The following DNAH3 variants were observed in gnomAD, a reference collection of about 807,000 sequenced individuals.
DNAH3 encodes the protein dynein axonemal heavy chain 3, also known as axonemal beta dynein heavy chain 3.
DNAH3 carries 332 observed loss-of-function variants against 432.5 expected under a neutral mutation model. The observed-to-expected ratio is 0.77, with a 90% CI of 0.70 to 0.84. The LOEUF is 0.84. DNAH3 is among the 40% of genes least tolerant of loss of function. The pLI is 0.00. For synonymous variants in DNAH3, 1,956 were observed against 1,900.2 expected (o/e 1.03, Z -0.76); for missense variants, 4,861 against 5,114.0 (o/e 0.95, Z 1.51).
chr16:21,151,874 C>CT (rs971278248), intron 1 of DNAH3, among the ~76,000 whole-genome samples: 23 of 151,580 alleles, frequency 1.5e-4, no homozygotes, highest in South Asian at 1.0e-3. Flanking sequence ...GCTTGCATAT[C>CT]TTTTTTTTTC....
chr16:21,022,358 C>A (rs1399422788), intron 39 of DNAH3, among the ~76,000 whole-genome samples: 1 of 152,198 alleles, frequency 6.6e-6, no homozygotes, highest in African/African-American at 2.4e-5. Flanking sequence ...CTCAGAGAGG[C>A]TTGGAAATAC....
intron 6 of DNAH3, 65 bp from the exon 8 acceptor site, chr16:21,134,519 C>T (rs1485232722): frequency 6.8e-7 from 1 of 1,473,152 alleles, no homozygotes; most frequent in Non-Finnish European, 9.2e-7. Context: ...AGCTTCAACT[C>T]ATTTAGTTTT....
chr16:21,120,426 A>C (rs1226611379), intron 11 of DNAH3, among the ~76,000 whole-genome samples: 1 of 152,132 alleles, frequency 6.6e-6, no homozygotes, highest in Non-Finnish European at 1.5e-5. Flanking sequence ...ATTCTTTTTA[A>C]ACCATATATA....
intron 3 of DNAH3, among the ~76,000 whole-genome samples, chr16:21,141,985 G>A (rs932461765): frequency 6.6e-6 from 1 of 152,092 alleles, no homozygotes. Context: ...CCCAGGAGGT[G>A]GAGGTTGCAG....
chr16:21,122,222 A>G lies in DNAH3; in HGVS notation c.1405-98T>C, dbSNP rs1225477638. The stretch of plus-strand genomic sequence containing the variant: ...ATTCATAGAACTACATGAGGACCAG[A>G]AAAGGCAATGAAGGGCATCATACAC... On this transcript the variant is annotated intron_variant, in intron 9 of 61. Coordinates refer to ENST00000261383, the Ensembl canonical transcript of DNAH3. 51 of 1,035,222 alleles carry G rather than the reference A, an allele frequency of 4.9e-5. 1 individual carries two copies. Among genetic ancestry groups the G allele is most frequent in the Non-Finnish European group, 4.0e-5 (28 of 706,196 alleles). The allele number at this position is 1,035,222 out of a possible 1,614,324, so 64.1% of individuals were successfully genotyped here. A position where few individuals can be genotyped will look rare whatever the true frequency, so the allele number is the denominator to read the frequency against.
At chr16:20,944,738 C>A in intron 57 of DNAH3, 75 bp from the exon 58 acceptor site, 1 of 1,392,822 alleles carries the variant, frequency 7.2e-7, no homozygotes, top group Non-Finnish European at 1.0e-6. Flanking sequence ...TTAGCAGAAC[C>A]CAATCAGAAC....
intron 31 of DNAH3, among the ~76,000 whole-genome samples, chr16:21,045,119 A>G (rs1211457629): frequency 1.3e-5 from 2 of 151,660 alleles, no homozygotes; most frequent in African/African-American, 4.8e-5. Context: ...CATCAAGGAT[A>G]TTGGTCTAAA....
chr16:21,142,707 G>A (rs909202974), intron 3 of DNAH3, among the ~76,000 whole-genome samples: 1 of 147,522 alleles, frequency 6.8e-6, no homozygotes, highest in African/African-American at 2.5e-5. Flanking sequence ...GTGCTGGAGT[G>A]CAGTGGCATG....
chr16:20,984,864 A>G (rs1597054295), intron 48 of DNAH3, among the ~76,000 whole-genome samples, 185 bp downstream of exon 48: 1 of 102,444 alleles, frequency 9.8e-6, no homozygotes, highest in African/African-American at 2.7e-5. Context: ...GACTGTCTTT[A>G]AAAAAAAAAT....
chr16:20,988,881 T>C (rs1412694394), intron 44 of DNAH3, among the ~76,000 whole-genome samples: 1 of 152,024 alleles, frequency 6.6e-6, no homozygotes, highest in Non-Finnish European at 1.5e-5. Context: ...GGAGTGAAGC[T>C]GCAGACCTTC....
intron 18 of DNAH3, among the ~76,000 whole-genome samples, chr16:21,087,454 T>G (rs1230622681): frequency 6.6e-6 from 1 of 152,020 alleles, no homozygotes; most frequent in Non-Finnish European, 1.5e-5. Context: ...GAGGCCAAGG[T>G]GGGAGGACTG....
At chr16:21,069,639 T>C (rs1024079451) in intron 22 of DNAH3, 45 bp from the exon 23 acceptor site, 2 of 1,534,404 alleles carry the variant, frequency 1.3e-6, no homozygotes, top group Admixed American at 3.6e-5. Context: ...CCTGCCACTC[T>C]GCATCACAGG....
chr16:21,108,849 C>T (rs1017319675), intron 14 of DNAH3, among the ~76,000 whole-genome samples: 2 of 151,634 alleles, frequency 1.3e-5, no homozygotes, highest in Admixed American at 6.6e-5. Context: ...AGGCTGGGTG[C>T]GGTGGCTCAC....
chr16:21,022,130 A>T, intron 39 of DNAH3, 30 bp from the exon 40 acceptor site: 1 of 1,612,294 alleles, frequency 6.2e-7, no homozygotes, highest in Non-Finnish European at 8.5e-7. Context: ...TGAGACTTGG[A>T]GACATGATCA....
chr16:21,097,648 C>T (rs962882922), intron 17 of DNAH3, 149 bp from the exon 18 acceptor site: 3 of 995,344 alleles, frequency 3.0e-6, no homozygotes, highest in Non-Finnish European at 4.5e-6. Flanking sequence ...AAAGCATGAA[C>T]TCAAGCAAGA....
intron 52 of DNAH3, among the ~76,000 whole-genome samples, chr16:20,968,353 G>A (rs569583043): frequency 2.1e-3 from 317 of 152,282 alleles, no homozygotes; most frequent in African/African-American, 7.4e-3. Context: ...ACAGGTGTGA[G>A]CCACTGCACC....
chr16:20,948,444 T>C, intron 57 of DNAH3, 39 bp downstream of exon 57: 12 of 1,600,424 alleles, frequency 7.5e-6, no homozygotes, highest in Non-Finnish European at 1.0e-5. Context: ...GACGGAGCCC[T>C]GTGGGGGAAA....
chr16:21,041,386 G>C (rs544004619), intron 32 of DNAH3, among the ~76,000 whole-genome samples: 2 of 152,172 alleles, frequency 1.3e-5, no homozygotes, highest in South Asian at 2.1e-4. Context: ...AAAAGAGAGA[G>C]AGAAATGTGG....
chr16:21,002,301 G>A (rs894480776), intron 42 of DNAH3, among the ~76,000 whole-genome samples: 1 of 152,022 alleles, frequency 6.6e-6, no homozygotes, highest in African/African-American at 2.4e-5. Flanking sequence ...AGGAGTTGTA[G>A]GTGTATCATT....
Sources: allele counts gnomAD v4.1 joint callset (sites outside exome capture counted in the v4.1 genomes callset), GRCh38; gene constraint gnomAD v4.1.1; transcripts MANE v1.5; gene names NCBI Gene and HGNC (gene_info 2026-07-23, HGNC 2026-07-21).